The following UBN2 variants were observed in gnomAD, a reference collection of about 807,000 sequenced individuals.
UBN2 encodes the protein ubinuclein-2.
Under a neutral mutation model 120.2 loss-of-function variants are expected in UBN2, and 35 were observed. That is an observed-to-expected ratio of 0.29 (90% CI 0.22 to 0.39). The LOEUF (loss-of-function observed/expected upper bound fraction) is 0.39, where lower values mean the gene tolerates loss of function less well. Among genes scored for constraint, UBN2 ranks in the 10% least tolerant of loss-of-function variants. The pLI, the probability that UBN2 is intolerant of heterozygous loss-of-function variation, is 1.00. For missense variants in UBN2, 1,693 were observed against 1,663.2 expected, an observed-to-expected ratio of 1.02 and a Z score of -0.31; for synonymous variants, 661 against 648.7, an observed-to-expected ratio of 1.02 and a Z score of -0.29.
intron 12 of UBN2, among the ~76,000 whole-genome samples, chr7:139,278,934 T>G (rs1337228074): frequency 6.6e-6 from 1 of 152,114 alleles, no homozygotes; most frequent in Admixed American, 6.5e-5. Flanking sequence ...ATTACAAAAA[T>G]TTTTCTTTAA....
At chr7:139,293,165 T>C in intron 15 of UBN2, 67 bp from the exon 16 acceptor site, 1 of 1,293,046 alleles carries the variant, frequency 7.7e-7, no homozygotes, top group Non-Finnish European at 1.1e-6. Flanking sequence ...TGTGAGGATA[T>C]TATAGAAAAT....
rs754651612 is a variant in UBN2 at position 139,301,451 on chromosome 7, G to A, written c.*3615G>A. The A allele has an allele frequency of 8.5e-5, 13 of 152,086 alleles. No homozygotes were observed. The highest frequency in any genetic ancestry group is 1.8e-4 in the Non-Finnish European group (12 of 68,028). 9.4% of individuals were successfully genotyped at this position (152,086 alleles called of 1,614,324 possible). On this transcript the variant is annotated 3_prime_UTR_variant, in exon 18 of 18. Coordinates refer to ENST00000473989, the MANE Select transcript of UBN2 (RefSeq NM_173569.4). ...CTGCCATTGGTTATGAGAACTCTGC[G>A]TCCTTTGGGATCATCTCTTAGAACT... is the stretch of plus-strand genomic sequence containing the variant.
rs2131039958 is a variant in UBN2 at position 139,284,142 on chromosome 7, C to T, written c.3237C>T (p.Ser1079=). 4 of 1,614,092 alleles carry T rather than the reference C, an allele frequency of 2.5e-6. No homozygotes were observed. The highest frequency in any genetic ancestry group is 3.4e-6 in the Non-Finnish European group (4 of 1,179,996). Residue 1079 remains serine (S), a synonymous_variant, in exon 15 of 18, where the codon TCC becomes TCT. Coordinates refer to ENST00000473989, the MANE Select transcript of UBN2 (RefSeq NM_173569.4). ...TATCAACTAAACTTATTTCTAAATC[C>T]AACCCAACTCCCAAGCCTACTGTAT... ...PSVSTKLISK[S]NPTPKPTVSP...
chr7:139,255,674 C>T (rs928409073), intron 3 of UBN2, among the ~76,000 whole-genome samples: 25 of 151,612 alleles, frequency 1.6e-4, no homozygotes, highest in African/African-American at 5.3e-4. Flanking sequence ...CAACTATGGT[C>T]GAACCAAATG....
In UBN2 at chr7:139,258,683, T is replaced by G; in HGVS notation, c.801+58T>G. 5 of 1,435,328 alleles carry G rather than the reference T, an allele frequency of 3.5e-6. 1 individual carries two copies. The South Asian group carries it at 8.0e-5, about 23-fold the overall frequency. 88.9% of individuals were successfully genotyped at this position (1,435,328 alleles called of 1,614,324 possible). A position where few individuals can be genotyped will look rare whatever the true frequency, so the allele number is the denominator to read the frequency against. ...AATGTTCAATTAATAGGATTTTTTT[T>G]AATGTTACTTGTGTCACACGTGTGA... is the stretch of plus-strand genomic sequence containing the variant. On this transcript the variant is annotated intron_variant, in intron 4 of 17. Transcript: ENST00000473989.
At chr7:139,276,705 C>A (rs902268942) in intron 12 of UBN2, 3 of 153,212 alleles carry the variant, frequency 2.0e-5, no homozygotes, top group Admixed American at 1.3e-4. Flanking sequence ...TTGGTCAATT[C>A]CAGAACAGTT....
chr7:139,327,546 A>G, the UBN2 span, among the ~76,000 whole-genome samples: 2 of 152,174 alleles, frequency 1.3e-5, no homozygotes, highest in African/African-American at 2.4e-5. Flanking sequence ...GCCCAAACTC[A>G]CTTTTATAAC....
In UBN2 at chr7:139,298,858, AG is replaced by A. The variant is rs1264241885; in HGVS notation, c.*1024del. 6.6e-6 allele frequency: 1 copy of A among 152,166 alleles called. No homozygotes were observed. Among genetic ancestry groups the A allele is most frequent in the African/African-American group, 2.4e-5 (1 of 41,442 alleles). 9.4% of individuals were successfully genotyped at this position (152,166 alleles called of 1,614,324 possible). On this transcript the variant is annotated 3_prime_UTR_variant, in exon 18 of 18. Coordinates refer to ENST00000473989, the MANE Select transcript of UBN2 (RefSeq NM_173569.4). ...GTGATTATTAGCTATTGGTATAAAC[AG>A]GTAGAAGTGTACACTATGTTTCTTC...
chr7:139,266,920 G>A (rs1020213067), intron 7 of UBN2, among the ~76,000 whole-genome samples: 43 of 152,282 alleles, frequency 2.8e-4, no homozygotes, highest in African/African-American at 1.0e-3. Flanking sequence ...CAGTTAGATT[G>A]AGAATAAGAA....
At position 139,303,279 on chromosome 7, in the gene UBN2, A is replaced by G. The variant is rs142070661; in HGVS notation, c.*5443A>G. ...CCTTGAGCAAAATAACATAATTTTC[A>G]GTATCTAAGATTCATCGATTTTTTG... On this transcript the variant is annotated 3_prime_UTR_variant, in exon 18 of 18. Transcript: ENST00000473989. 7.7e-4 allele frequency: 118 copies of G among 152,338 alleles called. No individual in the cohort carries two copies. Among genetic ancestry groups the G allele is most frequent in the African/African-American group, 2.6e-3 (108 of 41,572 alleles). 9.4% of individuals were successfully genotyped at this position (152,338 alleles called of 1,614,324 possible).
intron 3 of UBN2, among the ~76,000 whole-genome samples, chr7:139,256,734 C>T (rs1397620120): frequency 6.6e-6 from 1 of 152,126 alleles, no homozygotes; most frequent in Non-Finnish European, 1.5e-5. Context: ...GGTACTGCCC[C>T]TTTTCTGTAA....
At chr7:139,311,443 G>A (rs986879151), downstream of UBN2, among the ~76,000 whole-genome samples, 4 of 152,184 alleles carry the variant, frequency 2.6e-5, no homozygotes, top group Non-Finnish European at 4.4e-5. Context: ...GCAGACAGAC[G>A]GGTTCACAAG....
In UBN2 at chr7:139,299,533, TAATA is replaced by T. The variant is rs1798205127; in HGVS notation, c.*1703_*1706del. ...TTGGCTTGCTTCATAGCGAAAAAGT[TAATA>T]AATAACTGAAAACTTTAGTTCCAAG... On this transcript the variant is annotated 3_prime_UTR_variant, in exon 18 of 18. Coordinates refer to ENST00000473989, the MANE Select transcript of UBN2 (RefSeq NM_173569.4). 6.6e-6 allele frequency: 1 copy of T among 152,172 alleles called. No individual in the cohort carries two copies. The highest frequency in any genetic ancestry group is 1.5e-5 in the Non-Finnish European group (1 of 68,024). The allele number at this position is 152,172 out of a possible 1,614,324, so 9.4% of individuals were successfully genotyped here. A position where few individuals can be genotyped will look rare whatever the true frequency, so the allele number is the denominator to read the frequency against.
At chr7:139,275,325 T>C (rs1370985576) in intron 11 of UBN2, among the ~76,000 whole-genome samples, 8 of 148,936 alleles carry the variant, frequency 5.4e-5, no homozygotes, top group African/African-American at 2.0e-4. Context: ...GGCTCACGCC[T>C]GTAATCCCAG....
At chr7:139,264,936 A>C (rs993728487) in intron 6 of UBN2, among the ~76,000 whole-genome samples, 15 of 152,124 alleles carry the variant, frequency 9.9e-5, no homozygotes, top group Non-Finnish European at 1.8e-4. Flanking sequence ...TTTGGGGTAC[A>C]TGTCATAATT....
rs770163185 is a variant in UBN2 at position 139,231,856 on chromosome 7, G to T, written c.372G>T (p.Arg124Ser). The change falls in exon 1 of 18, where the codon AGG becomes AGT. Residue 124 changes from arginine (R) to serine (S), a missense_variant. Transcript: ENST00000473989. ...CTGAGCAGCCGCCGCGGCCGCCGAG[G>T]GAGACGGTGCGCCTGGAGCTGGTGC... Reference protein sequence around the residue: ...SRAEQPPRPPRETVRLELVLK... With the variant: ...SRAEQPPRPPSETVRLELVLK... 19 of 1,556,116 alleles carry T rather than the reference G, an allele frequency of 1.2e-5. No homozygotes were observed. The highest frequency in any genetic ancestry group is 1.6e-5 in the Non-Finnish European group (19 of 1,158,252).
At chr7:139,241,216 C>G (rs577976406) in intron 2 of UBN2, among the ~76,000 whole-genome samples, 1 of 152,284 alleles carries the variant, frequency 6.6e-6, no homozygotes, top group Non-Finnish European at 1.5e-5. Context: ...GAAGATTTCT[C>G]TTAGTGATTT....
rs1225550535 is a variant in UBN2 at position 139,283,863 on chromosome 7, C to T, written c.2958C>T (p.Thr986=). ...KPLMYRLPLS[T]PSPGNGSQGS... is the part of the protein sequence containing the mutation. ...TTATGTACCGCCTTCCCTTATCTAC[C>T]CCCTCACCTGGAAATGGTTCTCAAG... The change falls in exon 15 of 18, where the codon ACC becomes ACT. Residue 986 remains threonine (T), a synonymous_variant. Transcript: ENST00000473989. The T allele has an allele frequency of 1.9e-6, 3 of 1,614,104 alleles. No individual in the cohort carries two copies. The highest frequency in any genetic ancestry group is 2.5e-6 in the Non-Finnish European group (3 of 1,180,020).
At chr7:139,291,908 TG>T (rs1797969944) in intron 15 of UBN2, among the ~76,000 whole-genome samples, 1 of 151,896 alleles carries the variant, frequency 6.6e-6, no homozygotes, top group African/African-American at 2.4e-5. Context: ...TGGAAAAAAA[TG>T]ATTTAATTGC....
Sources: gnomAD v4.1 joint callset for allele counts (sites outside exome capture counted in the v4.1 genomes callset) on GRCh38, gnomAD v4.1.1 for gene constraint, MANE v1.5 for transcripts, NCBI Gene and HGNC (gene_info 2026-07-23, HGNC 2026-07-21) for gene names.